BTG4: variants seen among roughly 807,000 people sequenced by gnomAD.
The protein encoded by BTG4 is protein BTG4.
A neutral mutation model predicts 19.3 loss-of-function variants in BTG4; 10 were observed. The ratio of observed to expected loss-of-function variants is 0.52; its 90% CI spans 0.32 to 0.88. The LOEUF (loss-of-function observed/expected upper bound fraction) is 0.88. Ranked by LOEUF, BTG4 falls within the 40% of genes least tolerant of loss-of-function variation. The pLI is 0.04. For synonymous variants in BTG4, 91 were observed against 95.7 expected, an observed-to-expected ratio of 0.95 and a Z score of 0.29; for missense variants, 238 against 281.9, an observed-to-expected ratio of 0.84 and a Z score of 1.11.
chr11:111,494,950 A>G lies in BTG4; in HGVS notation c.*185T>C, dbSNP rs897012002. On this transcript the variant is annotated 3_prime_UTR_variant, in exon 5 of 5. Transcript: ENST00000692032. ...TACATAAAACTTCATGTAAAATTAA[A>G]TAAGAATTAAAAGTACAGCTAAGAA... 3.0e-6 allele frequency: 3 copies of G among 985,060 alleles called. No homozygotes were observed. Among genetic ancestry groups the G allele is most frequent in the South Asian group, 9.4e-5 (2 of 21,282 alleles). 61.0% of individuals were successfully genotyped at this position (985,060 alleles called of 1,614,324 possible). A position where few individuals can be genotyped will look rare whatever the true frequency, so the allele number is the denominator to read the frequency against.
At chr11:111,467,945 T>C (rs1296110721) in intron 5 of BTG4, among the ~76,000 whole-genome samples, 2 of 152,230 alleles carry the variant, frequency 1.3e-5, no homozygotes, top group African/African-American at 2.4e-5. Flanking sequence ...ATAAGAGTCA[T>C]GGTTCCAGCT....
chr11:111,486,477 T>C (rs1397752561), intron 5 of BTG4, among the ~76,000 whole-genome samples: 2 of 152,116 alleles, frequency 1.3e-5, no homozygotes, highest in African/African-American at 4.8e-5. Flanking sequence ...CTATTCATAC[T>C]ATTCTAAAAA....
chr11:111,513,720 C>T (rs1473589367), upstream of BTG4, among the ~76,000 whole-genome samples: 1 of 151,824 alleles, frequency 6.6e-6, no homozygotes, highest in Non-Finnish European at 1.5e-5. Context: ...CCTTCAGGCT[C>T]TTAACCAAAA....
At chr11:111,385,877 T>A in the BTG4 span, 15 of 152,090 alleles carry the variant, frequency 9.9e-5, no homozygotes, top group Non-Finnish European at 1.5e-5. Flanking sequence ...TAAGAACGAG[T>A]TGCTGGCCCA....
the BTG4 span, among the ~76,000 whole-genome samples, chr11:111,410,363 A>G: frequency 1.3e-5 from 2 of 152,122 alleles, no homozygotes; most frequent in Admixed American, 1.3e-4. Context: ...ATATAACTAG[A>G]GATTCAAGAA....
At chr11:111,454,323 C>T in the BTG4 span, 1 of 456,168 alleles carries the variant, frequency 2.2e-6, no homozygotes, top group Admixed American at 2.4e-5. Context: ...CAGTCTCTGT[C>T]AGTGACAGCC....
the BTG4 span, among the ~76,000 whole-genome samples, chr11:111,422,810 C>T: frequency 4.1e-4 from 62 of 152,282 alleles, no homozygotes; most frequent in Admixed American, 1.4e-3. Context: ...TCTTGGCCTC[C>T]CCCATCCCCA....
intron 5 of BTG4, among the ~76,000 whole-genome samples, chr11:111,471,131 G>A (rs977366265): frequency 7.2e-5 from 11 of 151,992 alleles, no homozygotes; most frequent in Admixed American, 4.6e-4. Flanking sequence ...AGTGTCACTC[G>A]ATCCACCCAA....
At chr11:111,497,762 T>C (rs1449120151) in intron 3 of BTG4, among the ~76,000 whole-genome samples, 1 of 152,206 alleles carries the variant, frequency 6.6e-6, no homozygotes, top group Non-Finnish European at 1.5e-5. Flanking sequence ...TGTAATAAGG[T>C]GCAGTGATTA....
chr11:111,421,498 T>G, the BTG4 span, among the ~76,000 whole-genome samples: 1 of 152,246 alleles, frequency 6.6e-6, no homozygotes, highest in Non-Finnish European at 1.5e-5. Flanking sequence ...GATGTCCCTG[T>G]GGGCTCCCAT....
At chr11:111,451,081 C>T in the BTG4 span, 2 of 184,454 alleles carry the variant, frequency 1.1e-5, no homozygotes, top group East Asian at 2.4e-4. Context: ...GCCTCCAAGT[C>T]AATGATACCC....
chr11:111,399,359 A>G, the BTG4 span: 1 of 152,184 alleles, frequency 6.6e-6, no homozygotes, highest in Non-Finnish European at 1.5e-5. Context: ...AAACTTCATC[A>G]TCCAGGGAGA....
At chr11:111,418,906 T>C in the BTG4 span, among the ~76,000 whole-genome samples, 1 of 152,176 alleles carries the variant, frequency 6.6e-6, no homozygotes, top group Non-Finnish European at 1.5e-5. Context: ...GAAATTTACT[T>C]CCTCACCATT....
At chr11:111,416,947 T>C in the BTG4 span, 1 of 152,150 alleles carries the variant, frequency 6.6e-6, no homozygotes, top group Non-Finnish European at 1.5e-5. Context: ...TTAGAGTAGA[T>C]TTTTAAGGGA....
chr11:111,454,890 C>T, the BTG4 span: 4 of 426,846 alleles, frequency 9.4e-6, no homozygotes, highest in Non-Finnish European at 1.9e-5. Context: ...GGGGGCGCTG[C>T]AATCACAACA....
At chr11:111,388,164 C>T in the BTG4 span, among the ~76,000 whole-genome samples, 4 of 152,256 alleles carry the variant, frequency 2.6e-5, no homozygotes, top group East Asian at 7.7e-4. Flanking sequence ...GAAAGTCCCA[C>T]AAGAATTCCT....
intron 3 of BTG4, among the ~76,000 whole-genome samples, chr11:111,497,702 T>A (rs960142972): frequency 6.6e-6 from 1 of 152,226 alleles, no homozygotes; most frequent in Admixed American, 6.5e-5. Flanking sequence ...ATAACACTTA[T>A]CTGTTATCAA....
the BTG4 span, among the ~76,000 whole-genome samples, chr11:111,456,078 G>T: frequency 1.2e-4 from 19 of 152,336 alleles, no homozygotes; most frequent in Admixed American, 1.1e-3. This position sits in a 1 kb window ranked among gnomAD's most constrained non-coding sequence, Gnocchi z 4.2. Context: ...AAGGAGCCTC[G>T]AAAGTGGGAA....
downstream of BTG4, chr11:111,494,788 T>C: frequency 2.6e-6 from 2 of 780,984 alleles, no homozygotes; most frequent in Non-Finnish European, 3.1e-6. Flanking sequence ...TAAAAGTTTG[T>C]TTCTTGCAAC....
Sources: gnomAD v4.1 joint callset for allele counts (sites outside exome capture counted in the v4.1 genomes callset) on GRCh38, gnomAD v4.1.1 for gene constraint, Gnocchi (gnomAD v3.1) non-coding constraint, MANE v1.5 for transcripts, NCBI Gene and HGNC (gene_info 2026-07-23, HGNC 2026-07-21) for gene names.